The following ILRUN variants were observed in gnomAD, a reference collection of about 807,000 sequenced individuals.
ILRUN encodes protein ILRUN.
A neutral mutation model predicts 33.8 loss-of-function variants in ILRUN; 3 were observed. The ratio of observed to expected loss-of-function variants is 0.09; its 90% CI spans 0.04 to 0.23. The LOEUF (loss-of-function observed/expected upper bound fraction) is 0.23. Among genes scored for constraint, ILRUN ranks in the 10% least tolerant of loss-of-function variants. The pLI, the probability that ILRUN is intolerant of heterozygous loss-of-function variation, is 1.00. For missense variants in ILRUN, 210 were observed against 375.1 expected, an observed-to-expected ratio of 0.56 and a Z score of 3.64; for synonymous variants, 124 against 138.9, an observed-to-expected ratio of 0.89 and a Z score of 0.75.
At chr6:34,605,030 G>A (rs1267221735) in intron 4 of ILRUN, among the ~76,000 whole-genome samples, 1 of 152,182 alleles carries the variant, frequency 6.6e-6, no homozygotes, top group East Asian at 1.9e-4. Flanking sequence ...GGTCAGGCTG[G>A]GCACGGTGGC....
At chr6:34,642,272 C>T (rs1352258084) in intron 3 of ILRUN, among the ~76,000 whole-genome samples, 5 of 152,206 alleles carry the variant, frequency 3.3e-5, no homozygotes, top group Admixed American at 2.6e-4. Context: ...TATGCTCTAA[C>T]TGAACAAGAA....
At chr6:34,621,137 A>G (rs1189347201) in intron 3 of ILRUN, among the ~76,000 whole-genome samples, 1 of 152,252 alleles carries the variant, frequency 6.6e-6, no homozygotes, top group Non-Finnish European at 1.5e-5. Context: ...AAAGGGGGAA[A>G]TCAAACCAAA....
Position 34,588,804 on chromosome 6 carries a change from G to C in ILRUN, c.*1761C>G, listed in dbSNP as rs1761242221. 3 of 152,696 alleles carry C rather than the reference G, an allele frequency of 2.0e-5. No homozygotes were observed. Among genetic ancestry groups the C allele is most frequent in the Admixed American group, 2.0e-4 (3 of 15,280 alleles). 9.5% of individuals were successfully genotyped at this position (152,696 alleles called of 1,614,324 possible). On this transcript the variant is annotated 3_prime_UTR_variant, in exon 5 of 5. Coordinates refer to ENST00000374023, the MANE Select transcript of ILRUN (RefSeq NM_024294.4). ...ATTTTTTGGGGGGTGGGGAGGTGAA[G>C]AGGGAATTTCACACAAGCTTTTCTC... is the stretch of plus-strand genomic sequence containing the variant.
At chr6:34,590,646 A>C in intron 4 of ILRUN, 46 bp from the exon 5 acceptor site, 1 of 1,374,942 alleles carries the variant, frequency 7.3e-7, no homozygotes, top group Non-Finnish European at 1.0e-6. Context: ...ATAGCAGTGC[A>C]ACTTGACAAC....
intron 4 of ILRUN, among the ~76,000 whole-genome samples, chr6:34,599,593 T>G (rs1309536914): frequency 2.6e-5 from 4 of 152,162 alleles, no homozygotes; most frequent in Non-Finnish European, 5.9e-5. Context: ...GTCAACAGTC[T>G]TAATCAGTCA....
chr6:34,645,892 CAG>C (rs1311756370), intron 3 of ILRUN, among the ~76,000 whole-genome samples: 8 of 152,088 alleles, frequency 5.3e-5, no homozygotes, highest in African/African-American at 1.9e-4. Context: ...TGAGAATAGA[CAG>C]AGACAGAGAA....
intron 3 of ILRUN, among the ~76,000 whole-genome samples, chr6:34,637,973 G>A (rs757081017): frequency 2.0e-5 from 3 of 151,754 alleles, no homozygotes; most frequent in South Asian, 2.1e-4. Flanking sequence ...TGCAACCTCC[G>A]CCTCCCAGGC....
At chr6:34,650,142 G>A (rs1488953921) in intron 2 of ILRUN, among the ~76,000 whole-genome samples, 5 of 152,148 alleles carry the variant, frequency 3.3e-5, no homozygotes, top group Admixed American at 1.3e-4. Flanking sequence ...TTGTACAACA[G>A]AGCATGGTAG....
chr6:34,654,902 C>A, intron 1 of ILRUN, 123 bp from the exon 2 acceptor site: 1 of 813,844 alleles, frequency 1.2e-6, no homozygotes, highest in Non-Finnish European at 1.8e-6. Flanking sequence ...CTGGTATACA[C>A]GTCTTTAAAG....
In ILRUN at chr6:34,606,656, G is replaced by A; in HGVS notation, c.760C>T (p.Pro254Ser). 6.2e-7 allele frequency: 1 copy of A among 1,612,520 alleles called. No individual in the cohort carries two copies. The highest frequency in any genetic ancestry group is 8.5e-7 in the Non-Finnish European group (1 of 1,178,584). ...TTCTGGTCTTGCTCAGTTTGGTCAG[G>A]AGCAGGAGCCCATGTGTCAGGAGCA... Reference protein sequence around the residue: ...APAPDTWAPAPDQTEQDQNRL... With the variant: ...APAPDTWAPASDQTEQDQNRL... The change falls in exon 4 of 5, where the codon CCT becomes TCT. Residue 254 changes from proline (P) to serine (S), a missense_variant. Pro to Ser is a moderately conservative substitution (Grantham distance 74, BLOSUM62 -1). This residue lies in a region of ILRUN where 81 missense variants were observed against 97.0 expected (regional missense o/e 0.84). Coordinates refer to ENST00000374023, the MANE Select transcript of ILRUN (RefSeq NM_024294.4).
chr6:34,689,524 AACT>A (rs372024257), intron 1 of ILRUN, among the ~76,000 whole-genome samples: 31 of 152,208 alleles, frequency 2.0e-4, no homozygotes, highest in African/African-American at 7.2e-4. Flanking sequence ...CTCTTCCTAA[AACT>A]ACTATTTGAC....
At chr6:34,683,121 AATAT>A (rs1056665191) in intron 1 of ILRUN, among the ~76,000 whole-genome samples, 3 of 149,958 alleles carry the variant, frequency 2.0e-5, no homozygotes, top group African/African-American at 4.9e-5. Context: ...GTCTCAAAAA[AATAT>A]ATATATACAC....
At chr6:34,642,192 A>T (rs1562014358) in intron 3 of ILRUN, among the ~76,000 whole-genome samples, 1 of 152,214 alleles carries the variant, frequency 6.6e-6, no homozygotes. Flanking sequence ...AGAAGGGACG[A>T]CATGACGCTG....
intron 3 of ILRUN, among the ~76,000 whole-genome samples, chr6:34,609,000 G>T (rs1356699736): frequency 6.6e-6 from 1 of 152,188 alleles, no homozygotes; most frequent in African/African-American, 2.4e-5. Flanking sequence ...ACACAAATAC[G>T]AAGAACTGTC....
chr6:34,686,449 G>C lies in ILRUN; in HGVS notation c.158+9997C>G, dbSNP rs144192522. 7.3e-3 allele frequency among the ~76,000 whole-genome samples: 1,098 copies of C among 150,810 alleles called. 23 individuals are homozygous for C. The highest frequency in any genetic ancestry group is 0.025 in the African/African-American group (1,045 of 41,024). On this transcript the variant is annotated intron_variant, in intron 1 of 4. Transcript: ENST00000374023. ...CAGGAGGCGGAGCTTGCAGTGAGCC[G>C]AGATCGCGCCACCGCACTCCAGCCC...
chr6:34,606,483 G>C, intron 4 of ILRUN, 72 bp downstream of exon 4: 2 of 1,246,822 alleles, frequency 1.6e-6, no homozygotes, highest in Non-Finnish European at 2.3e-6. Context: ...TAGGATTCTA[G>C]GTTTGCCATG....
At chr6:34,601,588 CTTA>C (rs1435760470) in intron 4 of ILRUN, among the ~76,000 whole-genome samples, 4 of 152,132 alleles carry the variant, frequency 2.6e-5, no homozygotes, top group Non-Finnish European at 5.9e-5. Flanking sequence ...AAACTCTTCC[CTTA>C]TTATTATGTT....
At chr6:34,677,409 C>T (rs1472854238) in intron 1 of ILRUN, among the ~76,000 whole-genome samples, 1 of 151,830 alleles carries the variant, frequency 6.6e-6, no homozygotes, top group Non-Finnish European at 1.5e-5. Context: ...TTACAGAATA[C>T]TCAAATAATG....
chr6:34,590,639 G>A, intron 4 of ILRUN, 39 bp from the exon 5 acceptor site: 2 of 1,442,198 alleles, frequency 1.4e-6, no homozygotes, highest in Non-Finnish European at 2.0e-6. Flanking sequence ...GGTACACATA[G>A]CAGTGCAACT....
Sources: allele counts gnomAD v4.1 joint callset (sites outside exome capture counted in the v4.1 genomes callset), GRCh38; gene constraint gnomAD v4.1.1; regional missense constraint gnomAD v4.1.1; transcripts MANE v1.5; gene names NCBI Gene and HGNC (gene_info 2026-07-23, HGNC 2026-07-21).